Variants in FOXN3 observed in about 807,000 individuals in gnomAD.
FOXN3 encodes forkhead box protein N3.
In FOXN3, 7 loss-of-function variants were observed where a neutral mutation model predicts 38.4. The observed-to-expected ratio is 0.18, with a 90% CI of 0.10 to 0.34. The LOEUF is 0.34. Among genes scored for constraint, FOXN3 ranks in the 10% least tolerant of loss-of-function variants. The pLI, the probability that FOXN3 is intolerant of heterozygous loss-of-function variation, is 1.00. For missense variants in FOXN3, 456 were observed against 613.4 expected (o/e 0.74, Z 2.71); for synonymous variants, 230 against 242.2 (o/e 0.95, Z 0.47).
chr14:89,266,993 G>T (rs1025655403), intron 4 of FOXN3, among the ~76,000 whole-genome samples: 6 of 152,196 alleles, frequency 3.9e-5, no homozygotes, highest in Non-Finnish European at 8.8e-5. Context: ...ACGTGTGTAT[G>T]TAAAAGCAAA....
At chr14:89,276,497 T>A (rs770738047) in intron 4 of FOXN3, among the ~76,000 whole-genome samples, 13 of 151,906 alleles carry the variant, frequency 8.6e-5, no homozygotes, top group Non-Finnish European at 1.9e-4. Flanking sequence ...ACCAGTGGTT[T>A]CATCTGTGCT....
intron 1 of FOXN3, among the ~76,000 whole-genome samples, chr14:89,581,039 A>G (rs1895728877): frequency 6.6e-6 from 1 of 151,688 alleles, no homozygotes; most frequent in Non-Finnish European, 1.5e-5. Flanking sequence ...AAAATTAGCC[A>G]ATCGTGGTGG....
chr14:89,485,402 C>T (rs1020748759), intron 1 of FOXN3, among the ~76,000 whole-genome samples: 2 of 152,174 alleles, frequency 1.3e-5, no homozygotes, highest in Non-Finnish European at 2.9e-5. Context: ...TTAACTTATG[C>T]TTCCTCCCCT....
chr14:89,526,621 C>A (rs762205151), intron 1 of FOXN3, among the ~76,000 whole-genome samples: 1 of 152,056 alleles, frequency 6.6e-6, no homozygotes, highest in Non-Finnish European at 1.5e-5. Flanking sequence ...ATAAGCGGAG[C>A]AATATACTAT....
At chr14:89,567,912 C>T (rs10438203) in intron 1 of FOXN3, among the ~76,000 whole-genome samples, 79,102 of 151,372 alleles carry the variant, frequency 0.52, 21,663 homozygotes, top group Middle Eastern at 0.64. Context: ...TTAGTAGAGA[C>T]GGGGTTTCAC....
intron 2 of FOXN3, among the ~76,000 whole-genome samples, chr14:89,363,045 G>T (rs1311866389): frequency 3.3e-5 from 5 of 152,132 alleles, no homozygotes; most frequent in Non-Finnish European, 5.9e-5. Context: ...GATTACAAAG[G>T]ATTACACAAG....
At chr14:89,323,774 C>A (rs1250188513) in intron 3 of FOXN3, among the ~76,000 whole-genome samples, 1 of 152,002 alleles carries the variant, frequency 6.6e-6, no homozygotes, top group South Asian at 2.1e-4. Flanking sequence ...GTGACAACAT[C>A]GATCTAAAGG....
At position 89,412,920 on chromosome 14, in the gene FOXN3, C is replaced by T. The variant is rs1453671832; in HGVS notation, c.-14-430G>A. 6.6e-6 allele frequency among the ~76,000 whole-genome samples: 1 copy of T among 151,880 alleles called. No homozygotes were observed. The highest frequency in any genetic ancestry group is 1.5e-5 in the Non-Finnish European group (1 of 67,962). On this transcript the variant is annotated intron_variant, in intron 1 of 5. Transcript: ENST00000557258. This position sits in a 1 kb window ranked among gnomAD's most constrained non-coding sequence, Gnocchi z 4.7. ...GTAACTTCAGGTACCACACAGAATA[C>T]ATGGGAATGTAAGATAAGCCATTAA...
At chr14:89,266,465 A>C (rs954805910) in intron 4 of FOXN3, among the ~76,000 whole-genome samples, 5 of 152,088 alleles carry the variant, frequency 3.3e-5, no homozygotes, top group African/African-American at 1.2e-4. Flanking sequence ...GAAGGCTTCA[A>C]CATATAAATT....
At chr14:89,275,766 ATCATGTCAACT>A (rs1886281155) in intron 4 of FOXN3, among the ~76,000 whole-genome samples, 1 of 152,220 alleles carries the variant, frequency 6.6e-6, no homozygotes, top group South Asian at 2.1e-4. Flanking sequence ...TCATCTAACC[ATCATGTCAACT>A]TCATGCACAT....
chr14:89,498,845 G>T lies in FOXN3; in HGVS notation c.-14-86355C>A, dbSNP rs139938032. On this transcript the variant is annotated intron_variant, in intron 1 of 6. Coordinates refer to the FOXN3 transcript ENST00000345097. ...ACACAGAGGGTGGGGGGAACTGGGT[G>T]CTTTATAAGGATGCTCCAACTCACA... Among the ~76,000 whole-genome samples, 1,003 of 152,148 alleles carry T rather than the reference G, an allele frequency of 6.6e-3. 11 individuals are homozygous for T. Among genetic ancestry groups the T allele is most frequent in the African/African-American group, 0.023 (941 of 41,448 alleles).
At chr14:89,402,117 T>A (rs1471850537) in intron 2 of FOXN3, among the ~76,000 whole-genome samples, 1 of 152,220 alleles carries the variant, frequency 6.6e-6, no homozygotes, top group East Asian at 1.9e-4. Flanking sequence ...TCTTCAACCA[T>A]CTATTTCCTT....
At chr14:89,190,448 A>G in intron 4 of FOXN3, 1 of 1,613,658 alleles carries the variant, frequency 6.2e-7, no homozygotes, top group Non-Finnish European at 8.5e-7. Context: ...CAATGTCAGG[A>G]TCTGGAAAAA....
chr14:89,291,889 C>G (rs116456834), intron 3 of FOXN3, among the ~76,000 whole-genome samples: 3,124 of 152,286 alleles, frequency 0.021, 120 homozygotes, highest in African/African-American at 0.069. Context: ...TGGCCTCCCA[C>G]TAGACACCAG....
intron 1 of FOXN3, among the ~76,000 whole-genome samples, chr14:89,510,815 G>A (rs943701473): frequency 1.7e-4 from 26 of 152,088 alleles, no homozygotes; most frequent in Non-Finnish European, 2.2e-4. Flanking sequence ...GGTGGTGTGC[G>A]CCTGTAAATC....
At chr14:89,227,419 T>A (rs1044294842) in intron 4 of FOXN3, among the ~76,000 whole-genome samples, 1 of 152,246 alleles carries the variant, frequency 6.6e-6, no homozygotes, top group African/African-American at 2.4e-5. Flanking sequence ...CTTCACGGCA[T>A]TTACTCCAAC....
intron 3 of FOXN3, among the ~76,000 whole-genome samples, chr14:89,342,405 G>C (rs1308284786): frequency 1.3e-5 from 2 of 152,152 alleles, no homozygotes; most frequent in Admixed American, 6.5e-5. Flanking sequence ...ATAATGAACA[G>C]CATACCGAAG....
intron 4 of FOXN3, among the ~76,000 whole-genome samples, chr14:89,278,363 T>A (rs1344930226): frequency 6.6e-6 from 1 of 152,126 alleles, no homozygotes; most frequent in Non-Finnish European, 1.5e-5. Context: ...CTAGGAATTA[T>A]GGGAGCTACA....
At chr14:89,403,480 G>A (rs1488732354) in intron 2 of FOXN3, among the ~76,000 whole-genome samples, 3 of 152,142 alleles carry the variant, frequency 2.0e-5, no homozygotes, top group South Asian at 2.1e-4. Context: ...GATTACAGGC[G>A]TGAGCCACCA....
Sources: gnomAD v4.1 joint callset for allele counts (sites outside exome capture counted in the v4.1 genomes callset) on GRCh38, gnomAD v4.1.1 for gene constraint, Gnocchi (gnomAD v3.1) non-coding constraint, MANE v1.5 for transcripts, NCBI Gene and HGNC (gene_info 2026-07-23, HGNC 2026-07-21) for gene names.